The following ITGA9 variants were observed in gnomAD, a reference collection of about 807,000 sequenced individuals.
ITGA9 encodes integrin subunit alpha 9.
A neutral mutation model predicts 127.8 loss-of-function variants in ITGA9; 56 were observed. That is an observed-to-expected ratio of 0.44 (90% CI 0.35 to 0.55). The LOEUF is 0.55. Ranked by LOEUF, ITGA9 falls within the 20% of genes least tolerant of loss-of-function variation. The probability of loss-of-function intolerance (pLI) is 0.00; values close to 1 mark genes in which losing one functional copy is unlikely to be tolerated. For missense variants in ITGA9, 1,196 were observed against 1,347.1 expected, an observed-to-expected ratio of 0.89 and a Z score of 1.76; for synonymous variants, 508 against 514.5, an observed-to-expected ratio of 0.99 and a Z score of 0.17.
At chr3:37,727,961 G>C (rs1696235615) in intron 18 of ITGA9, among the ~76,000 whole-genome samples, 1 of 152,158 alleles carries the variant, frequency 6.6e-6, no homozygotes, top group African/African-American at 2.4e-5. Flanking sequence ...ATGAAAGTCT[G>C]CATCTTTTAG....
In ITGA9 at chr3:37,799,892, A is replaced by C. The variant is rs958748059; in HGVS notation, c.2890-3931A>C. Among the ~76,000 whole-genome samples, 2 of 152,156 alleles carry C rather than the reference A, an allele frequency of 1.3e-5. No homozygotes were observed. Among genetic ancestry groups the C allele is most frequent in the Admixed American group, 1.3e-4 (2 of 15,282 alleles). ...GATCATCAGTGCTTCTTGCCTCTCCATGTCGTCCATGCTGCTGTTCCTTCC... is the reference window on the plus strand; with the variant it reads ...GATCATCAGTGCTTCTTGCCTCTCCCTGTCGTCCATGCTGCTGTTCCTTCC... On this transcript the variant is annotated intron_variant, in intron 26 of 27. Transcript: ENST00000264741. The surrounding 1 kb of genome is among the most constrained non-coding windows in gnomAD (Gnocchi z 4.0).
intron 13 of ITGA9, among the ~76,000 whole-genome samples, chr3:37,527,549 T>G (rs1306795081): frequency 6.6e-6 from 1 of 152,206 alleles, no homozygotes; most frequent in Non-Finnish European, 1.5e-5. Context: ...TTCCTGTAAT[T>G]ATTTCCCATG....
chr3:37,759,749 CA>C (rs1243875614), intron 23 of ITGA9, among the ~76,000 whole-genome samples: 7 of 149,988 alleles, frequency 4.7e-5, no homozygotes, highest in African/African-American at 1.7e-4. Context: ...TAAAAATACA[CA>C]AAAATTAGCC....
At chr3:37,585,493 T>A in intron 15 of ITGA9, 1 of 450,454 alleles carries the variant, frequency 2.2e-6, no homozygotes, top group Non-Finnish European at 4.5e-6. Flanking sequence ...AATAAGGTTT[T>A]ACTTTTCTTC....
At chr3:37,508,753 G>T (rs1013480725) in intron 8 of ITGA9, 126 bp downstream of exon 8, 1 of 742,142 alleles carries the variant, frequency 1.3e-6, no homozygotes, top group Non-Finnish European at 2.4e-6. Flanking sequence ...AGTGCTGTCT[G>T]CTTGTTGGTG....
chr3:37,778,101 T>C (rs1696929498), intron 24 of ITGA9, among the ~76,000 whole-genome samples: 4 of 152,148 alleles, frequency 2.6e-5, no homozygotes, highest in Non-Finnish European at 5.9e-5. Context: ...ACAGACAGAA[T>C]ATATTGAGTG....
chr3:37,600,131 CCTCCTTAA>C (rs1430431350), intron 15 of ITGA9, among the ~76,000 whole-genome samples: 1 of 152,196 alleles, frequency 6.6e-6, no homozygotes, highest in Non-Finnish European at 1.5e-5. Flanking sequence ...TTCCTCAAGA[CCTCCTTAA>C]CATCCTAACA....
intron 18 of ITGA9, among the ~76,000 whole-genome samples, chr3:37,697,326 T>G (rs1250175484): frequency 1.4e-5 from 2 of 145,810 alleles, no homozygotes; most frequent in African/African-American, 4.9e-5. Flanking sequence ...ATTATTATTA[T>G]TATTATTATT....
intron 15 of ITGA9, among the ~76,000 whole-genome samples, chr3:37,613,790 T>C (rs1022131413): frequency 3.3e-5 from 5 of 152,250 alleles, no homozygotes; most frequent in Admixed American, 6.5e-5. Flanking sequence ...TGATATCCTT[T>C]GCCCACTTGT....
At chr3:37,812,372 G>A (rs926520865) in intron 27 of ITGA9, among the ~76,000 whole-genome samples, 2 of 152,192 alleles carry the variant, frequency 1.3e-5, no homozygotes, top group African/African-American at 2.4e-5. Context: ...CAAAGGCCGC[G>A]GAGTGGGTAG....
At chr3:37,661,797 G>A (rs1700539525) in intron 17 of ITGA9, among the ~76,000 whole-genome samples, 3 of 152,206 alleles carry the variant, frequency 2.0e-5, no homozygotes, top group Admixed American at 2.0e-4. Context: ...GGGAGATAGT[G>A]GTACCACACA....
chr3:37,637,149 G>T (rs1452515028), intron 16 of ITGA9, among the ~76,000 whole-genome samples: 5 of 151,658 alleles, frequency 3.3e-5, no homozygotes, highest in Non-Finnish European at 7.4e-5. Flanking sequence ...CTTGAAAGTA[G>T]TTTTTTCCAA....
At chr3:37,766,373 G>A (rs1005121008) in intron 23 of ITGA9, among the ~76,000 whole-genome samples, 9 of 152,270 alleles carry the variant, frequency 5.9e-5, no homozygotes, top group Admixed American at 5.2e-4. Flanking sequence ...GGCCTCCCAT[G>A]AAGTCCTTGA....
chr3:37,649,170 C>A, intron 16 of ITGA9, among the ~76,000 whole-genome samples: 1 of 145,042 alleles, frequency 6.9e-6, no homozygotes, highest in African/African-American at 2.5e-5. Flanking sequence ...AAAAGAGGGA[C>A]AAAAGAACAA....
intron 18 of ITGA9, among the ~76,000 whole-genome samples, chr3:37,697,088 T>G (rs1700892568): frequency 6.6e-6 from 1 of 152,066 alleles, no homozygotes; most frequent in African/African-American, 2.4e-5. Flanking sequence ...GGCCTAAGAC[T>G]GAGACAAAGA....
intron 15 of ITGA9, among the ~76,000 whole-genome samples, chr3:37,603,705 T>G (rs972936382): frequency 2.0e-5 from 3 of 152,218 alleles, no homozygotes; most frequent in Admixed American, 6.5e-5. Flanking sequence ...TGGACCCCCC[T>G]ATACCCAGTG....
chr3:37,687,803 T>C (rs9872670), intron 18 of ITGA9, among the ~76,000 whole-genome samples: 10,742 of 152,242 alleles, frequency 0.071, 1,139 homozygotes, highest in African/African-American at 0.23. Context: ...CCAGTTTGGA[T>C]TTCCCCAAAA....
chr3:37,628,817 G>A (rs1047548742), intron 15 of ITGA9, among the ~76,000 whole-genome samples: 3 of 152,170 alleles, frequency 2.0e-5, no homozygotes, highest in Non-Finnish European at 4.4e-5. Flanking sequence ...TGTGGTCATC[G>A]AAACACTGAA....
chr3:37,701,756 A>T (rs1700948790), intron 18 of ITGA9, among the ~76,000 whole-genome samples: 1 of 152,192 alleles, frequency 6.6e-6, no homozygotes, highest in Non-Finnish European at 1.5e-5. Context: ...CCTCACAGAC[A>T]AGGTGACTTC....
Sources: allele counts gnomAD v4.1 joint callset (sites outside exome capture counted in the v4.1 genomes callset), GRCh38; gene constraint gnomAD v4.1.1; non-coding constraint Gnocchi (gnomAD v3.1); transcripts MANE v1.5; gene names NCBI Gene and HGNC (gene_info 2026-07-23, HGNC 2026-07-21).